Variants in RTN1 observed in about 807,000 individuals in gnomAD.
RTN1 encodes reticulon-1.
Under a neutral mutation model 65.5 loss-of-function variants are expected in RTN1, and 25 were observed. The ratio of observed to expected loss-of-function variants is 0.38; its 90% confidence interval spans 0.28 to 0.53. RTN1 has a LOEUF of 0.53. RTN1 is among the 20% of genes least tolerant of loss of function. RTN1 has a pLI of 0.79. For missense variants in RTN1, 983 were observed against 1,025.4 expected (o/e 0.96, Z 0.57); for synonymous variants, 471 against 447.6 (o/e 1.05, Z -0.66).
At chr14:59,703,665 G>C (rs4901955) in intron 3 of RTN1, among the ~76,000 whole-genome samples, 1 of 151,992 alleles carries the variant, frequency 6.6e-6, no homozygotes, top group Non-Finnish European at 1.5e-5. Flanking sequence ...CCCCCTACAA[G>C]AACGTAAGTT....
rs558746005 is a variant in RTN1, at chr14:59,857,955, C to T, written c.241+12435G>A. ...GACTGCCTTTCTGCTCACTTCTGCC[C>T]CCTTCCAATTCTATCCATCCTTCAA... On this transcript the variant is annotated intron_variant, in intron 1 of 8. Transcript: ENST00000267484. 3.9e-5 allele frequency among the ~76,000 whole-genome samples: 6 copies of T among 152,266 alleles called. No individual in the cohort carries two copies. The South Asian group carries it at 1.2e-3, about 32-fold the overall frequency.
intron 3 of RTN1, among the ~76,000 whole-genome samples, chr14:59,716,773 C>T (rs1041594002): frequency 4.0e-5 from 6 of 149,564 alleles, no homozygotes; most frequent in East Asian, 2.0e-4. Flanking sequence ...CTGGCTAACA[C>T]GGTGAAATCC....
intron 1 of RTN1, among the ~76,000 whole-genome samples, chr14:59,751,867 G>A (rs752304889): frequency 3.9e-5 from 6 of 152,128 alleles, no homozygotes; most frequent in Non-Finnish European, 8.8e-5. Flanking sequence ...CTTAAACTCT[G>A]TAGCCTGGCA....
intron 3 of RTN1, among the ~76,000 whole-genome samples, chr14:59,693,876 G>A (rs1456961643): frequency 1.3e-5 from 2 of 152,160 alleles, no homozygotes; most frequent in Non-Finnish European, 2.9e-5. Flanking sequence ...TCCAAAGGCT[G>A]GTCTATGCCA....
At chr14:59,687,870 T>A (rs1291740311) in intron 3 of RTN1, among the ~76,000 whole-genome samples, 2 of 152,018 alleles carry the variant, frequency 1.3e-5, no homozygotes, top group Admixed American at 1.3e-4. Flanking sequence ...TGTGCAGAGA[T>A]CTTGGTGAAG....
Position 59,870,254 on chromosome 14 carries a change from C to T in RTN1, c.241+136G>A. The T allele has an allele frequency of 1.2e-6, 1 of 825,456 alleles. No individual in the cohort carries two copies. The highest frequency in any genetic ancestry group is 1.7e-6 in the Non-Finnish European group (1 of 603,038). 51.1% of individuals were successfully genotyped at this position (825,456 alleles called of 1,614,324 possible). ...CAGCCCGCGAATATTCCCAGTCGCCCGTGGCGACGCGGGGGTGGGGTCGGC... is the reference window on the plus strand; with the variant it reads ...CAGCCCGCGAATATTCCCAGTCGCCTGTGGCGACGCGGGGGTGGGGTCGGC... On this transcript the variant is annotated intron_variant, in intron 1 of 8. Transcript: ENST00000267484. This position sits in a 1 kb window ranked among gnomAD's most constrained non-coding sequence, Gnocchi z 5.1.
intron 3 of RTN1, among the ~76,000 whole-genome samples, chr14:59,675,786 T>G (rs935485317): frequency 1.3e-5 from 2 of 152,058 alleles, no homozygotes; most frequent in African/African-American, 4.8e-5. Context: ...TATTATCCAT[T>G]TTCACTTGAA....
In RTN1 at chr14:59,650,289, A is replaced by G. The variant is rs151028112; in HGVS notation, c.1766-42797T>C. ...GAAGAGGAAGAGCATTAGGACAAATATCTAATACATGCAGGGCTTAAAACC... is the reference window on the plus strand; with the variant it reads ...GAAGAGGAAGAGCATTAGGACAAATGTCTAATACATGCAGGGCTTAAAACC... On this transcript the variant is annotated intron_variant, in intron 3 of 8. Transcript: ENST00000267484. 2.3e-4 allele frequency among the ~76,000 whole-genome samples: 35 copies of G among 152,336 alleles called. No individual in the cohort carries two copies. In the East Asian group the frequency reaches 6.7e-3, roughly 29 times the overall value.
intron 1 of RTN1, among the ~76,000 whole-genome samples, chr14:59,815,938 C>T (rs1421052166): frequency 6.6e-6 from 1 of 152,178 alleles, no homozygotes; most frequent in Non-Finnish European, 1.5e-5. Flanking sequence ...CCCTTCATGC[C>T]TTTGCTCAGG....
chr14:59,672,625 CTTTTT>C (rs71111662), intron 3 of RTN1, among the ~76,000 whole-genome samples: 11 of 79,104 alleles, frequency 1.4e-4, no homozygotes, highest in Admixed American at 1.8e-4. Flanking sequence ...CAAGATATTT[CTTTTT>C]TTTTTTTTTT....
chr14:59,668,909 C>T (rs1367623234), intron 3 of RTN1, among the ~76,000 whole-genome samples: 1 of 152,058 alleles, frequency 6.6e-6, no homozygotes, highest in Non-Finnish European at 1.5e-5. Context: ...AATGAGATGC[C>T]ATCTCATGCC....
intron 3 of RTN1, among the ~76,000 whole-genome samples, chr14:59,662,381 A>G (rs1182053992): frequency 2.9e-5 from 4 of 139,126 alleles, no homozygotes; most frequent in Non-Finnish European, 4.5e-5. Flanking sequence ...TCATTGTTCA[A>G]TTCCCACCTA....
At chr14:59,855,212 A>T (rs951690133) in intron 1 of RTN1, among the ~76,000 whole-genome samples, 2 of 152,112 alleles carry the variant, frequency 1.3e-5, no homozygotes, top group Non-Finnish European at 2.9e-5. Context: ...GAGAACAGGG[A>T]TTTTATTATT....
rs978805261 is a variant in RTN1 at position 59,743,077 on chromosome 14, C to T, written c.1015+2631G>A. Reference sequence around the variant, plus strand: ...GGCCATTTTCTCTTTCCTGAATATGCCTTGCTTAGAATGTTTATTTGATTG... The same window carrying T: ...GGCCATTTTCTCTTTCCTGAATATGTCTTGCTTAGAATGTTTATTTGATTG... On this transcript the variant is annotated intron_variant, in intron 2 of 8. Transcript: ENST00000267484. Among the ~76,000 whole-genome samples, 13 of 152,242 alleles carry T rather than the reference C, an allele frequency of 8.5e-5. No homozygotes were observed. In the East Asian group the frequency reaches 2.1e-3, roughly 25 times the overall value.
chr14:59,736,338 G>C (rs896988781), intron 2 of RTN1, among the ~76,000 whole-genome samples: 3 of 151,988 alleles, frequency 2.0e-5, no homozygotes, highest in African/African-American at 7.2e-5. Context: ...AATGATAAGG[G>C]AGATATCACC....
At chr14:59,778,992 A>G (rs1886103679) in intron 1 of RTN1, among the ~76,000 whole-genome samples, 1 of 152,170 alleles carries the variant, frequency 6.6e-6, no homozygotes, top group East Asian at 1.9e-4. Flanking sequence ...TGATTTCAGA[A>G]AAGTCACTCT....
intron 1 of RTN1, among the ~76,000 whole-genome samples, chr14:59,869,589 G>A (rs865896716): frequency 1.5e-4 from 20 of 129,762 alleles, no homozygotes; most frequent in African/African-American, 5.2e-4. Context: ...TGGGGGGGGG[G>A]GGGCGCTTAG....
At chr14:59,789,827 G>A (rs772025329) in intron 1 of RTN1, among the ~76,000 whole-genome samples, 76 of 151,730 alleles carry the variant, frequency 5.0e-4, no homozygotes, top group Non-Finnish European at 6.9e-4. Flanking sequence ...TAAAATACAC[G>A]TTAAAAAGAA....
chr14:59,713,540 T>G (rs1310195248), intron 3 of RTN1, among the ~76,000 whole-genome samples: 1 of 152,204 alleles, frequency 6.6e-6, no homozygotes, highest in South Asian at 2.1e-4. Context: ...CACTTACTGC[T>G]GAGAATGGGT....
Sources: gnomAD v4.1 joint callset for allele counts (sites outside exome capture counted in the v4.1 genomes callset) on GRCh38, gnomAD v4.1.1 for gene constraint, Gnocchi (gnomAD v3.1) non-coding constraint, MANE v1.5 for transcripts, NCBI Gene and HGNC (gene_info 2026-07-23, HGNC 2026-07-21) for gene names.